The following RBFOX1 variants were observed in gnomAD, a reference collection of about 807,000 sequenced individuals.
The protein encoded by RBFOX1 is RNA binding protein fox-1 homolog 1.
In RBFOX1, 8 loss-of-function variants were observed where a neutral mutation model predicts 57.7. That is an observed-to-expected ratio of 0.14 (90% CI 0.08 to 0.25). The LOEUF is 0.25. RBFOX1 is among the 10% of genes least tolerant of loss of function. The pLI is 1.00. For synonymous variants in RBFOX1, 326 were observed against 222.4 expected (o/e 1.47, Z -4.15); for missense variants, 611 against 548.5 (o/e 1.11, Z -1.14).
At chr16:5,604,333 A>G (rs554818897), downstream of RBFOX1, among the ~76,000 whole-genome samples, 46 of 152,294 alleles carry the variant, frequency 3.0e-4, no homozygotes, top group African/African-American at 1.1e-3. Flanking sequence ...ACCAAGCTGC[A>G]GGCAAGGGAG....
At chr16:7,607,749 G>A (rs1203454536) in intron 10 of RBFOX1, among the ~76,000 whole-genome samples, 2 of 152,294 alleles carry the variant, frequency 1.3e-5, no homozygotes, top group African/African-American at 2.4e-5. Flanking sequence ...AGTCGAGTTG[G>A]CTTAATTATT....
chr16:7,136,404 A>ATTTTTT (rs35623726), intron 4 of RBFOX1, among the ~76,000 whole-genome samples: 51 of 110,930 alleles, frequency 4.6e-4, no homozygotes, highest in African/African-American at 1.8e-3. Flanking sequence ...TCATCTTGGG[A>ATTTTTT]TTTTTTTTTT....
intron 2 of RBFOX1, among the ~76,000 whole-genome samples, chr16:6,585,618 C>T (rs1600657862): frequency 1.3e-5 from 2 of 152,064 alleles, no homozygotes; most frequent in African/African-American, 2.4e-5. Flanking sequence ...TGCTGTGTTG[C>T]TGGTTAGATC....
chr16:7,491,605 A>T (rs1208747742), intron 4 of RBFOX1, among the ~76,000 whole-genome samples: 1 of 151,914 alleles, frequency 6.6e-6, no homozygotes, highest in African/African-American at 2.4e-5. Context: ...TTTATGTAAT[A>T]GGAACATGCC....
intron 3 of RBFOX1, among the ~76,000 whole-genome samples, chr16:5,627,412 T>A (rs2048377390): frequency 6.6e-6 from 1 of 152,064 alleles, no homozygotes; most frequent in Non-Finnish European, 1.5e-5. Context: ...ACCATAGTGA[T>A]CTTGGGGTGT....
intron 12 of RBFOX1, among the ~76,000 whole-genome samples, chr16:7,662,077 A>T (rs984925772): frequency 1.3e-5 from 2 of 152,166 alleles, no homozygotes; most frequent in African/African-American, 4.8e-5. Context: ...AGCCATATCA[A>T]AGAACCCCAA....
At chr16:5,635,199 T>C (rs1235046701) in intron 3 of RBFOX1, among the ~76,000 whole-genome samples, 1 of 152,254 alleles carries the variant, frequency 6.6e-6, no homozygotes, top group Non-Finnish European at 1.5e-5. Flanking sequence ...AAAATCTGTT[T>C]GTATTGATGG....
chr16:7,187,721 A>G (rs1021120170), intron 4 of RBFOX1, among the ~76,000 whole-genome samples: 16 of 143,448 alleles, frequency 1.1e-4, no homozygotes, highest in Non-Finnish European at 1.9e-4. Context: ...AAAAAAAAAA[A>G]AAAAGGAAAA....
chr16:6,551,242 G>C (rs1411744043), intron 2 of RBFOX1, among the ~76,000 whole-genome samples: 1 of 152,206 alleles, frequency 6.6e-6, no homozygotes, highest in East Asian at 1.9e-4. Flanking sequence ...GCTATGTGTT[G>C]GACACATGTA....
At chr16:7,256,785 G>A (rs141572992) in intron 4 of RBFOX1, among the ~76,000 whole-genome samples, 8 of 152,172 alleles carry the variant, frequency 5.3e-5, no homozygotes, top group Admixed American at 4.6e-4. Flanking sequence ...ATTTAACTTC[G>A]AATCTTGGAC....
chr16:5,454,973 T>TTC (rs1235731430), intron 1 of RBFOX1, among the ~76,000 whole-genome samples: 9 of 86,298 alleles, frequency 1.0e-4, no homozygotes, highest in African/African-American at 3.7e-4. Context: ...CTTTCTTTCT[T>TTC]TCTTTCTTTC....
chr16:7,238,710 G>T (rs905397281), intron 4 of RBFOX1, among the ~76,000 whole-genome samples: 5 of 152,098 alleles, frequency 3.3e-5, no homozygotes, highest in Non-Finnish European at 5.9e-5. Flanking sequence ...TGTGTCATGG[G>T]GGTTTGTTGT....
chr16:7,651,483 T>G (rs1258913387), intron 11 of RBFOX1, among the ~76,000 whole-genome samples: 2 of 152,162 alleles, frequency 1.3e-5, no homozygotes, highest in Non-Finnish European at 2.9e-5. Context: ...CTCATGCACA[T>G]TTTTTCCTTC....
intron 4 of RBFOX1, among the ~76,000 whole-genome samples, chr16:7,366,736 C>G (rs2097457072): frequency 6.6e-6 from 1 of 151,634 alleles, no homozygotes; most frequent in East Asian, 1.9e-4. Context: ...ATTATGGCAG[C>G]TACAAAGCCG....
At chr16:6,550,084 G>A (rs1322853503) in intron 2 of RBFOX1, among the ~76,000 whole-genome samples, 3 of 152,084 alleles carry the variant, frequency 2.0e-5, no homozygotes, top group Non-Finnish European at 4.4e-5. Context: ...CTGTTCACTT[G>A]TGCCTCCAGC....
At chr16:6,791,491 G>C (rs960604529) in intron 3 of RBFOX1, among the ~76,000 whole-genome samples, 10 of 152,074 alleles carry the variant, frequency 6.6e-5, no homozygotes, top group African/African-American at 2.4e-4. Context: ...AGTCACATTG[G>C]CTCACACCTG....
intron 1 of RBFOX1, among the ~76,000 whole-genome samples, chr16:6,287,311 C>T (rs1398726002): frequency 6.6e-6 from 1 of 152,150 alleles, no homozygotes; most frequent in Non-Finnish European, 1.5e-5. Flanking sequence ...GTTGCCAGCT[C>T]TATCTTGTCT....
rs867851217 is a variant in RBFOX1, at chr16:7,710,712, C to T, written c.1161C>T (p.Tyr387=). The change falls in exon 16 of 16, where the codon TAC becomes TAT. Residue 387 remains tyrosine, a synonymous_variant. Transcript: ENST00000550418. ...TTTCTTCATTGCAGGCTAGTATATA[C>T]CGAGGGGGATACAACCGTTTTGCTC... ...LVLSSLQASI[Y]RGGYNRFAPY The T allele has an allele frequency of 6.2e-7, 1 of 1,608,316 alleles. No individual in the cohort carries two copies. The highest frequency in any genetic ancestry group is 8.5e-7 in the Non-Finnish European group (1 of 1,177,564).
chr16:6,381,484 C>A (rs141304122), intron 2 of RBFOX1, among the ~76,000 whole-genome samples: 3 of 152,252 alleles, frequency 2.0e-5, no homozygotes, highest in East Asian at 1.9e-4. Context: ...GAGTGATCAG[C>A]GCTGATAGAG....
Sources: allele counts gnomAD v4.1 joint callset (sites outside exome capture counted in the v4.1 genomes callset), GRCh38; gene constraint gnomAD v4.1.1; transcripts MANE v1.5; gene names NCBI Gene and HGNC (gene_info 2026-07-23, HGNC 2026-07-21).